IREB2: variants seen among roughly 807,000 people sequenced by gnomAD.
The protein encoded by IREB2 is iron-responsive element-binding protein 2.
Under a neutral mutation model 118.8 loss-of-function variants are expected in IREB2, and 39 were observed. The ratio of observed to expected loss-of-function variants is 0.33; its 90% confidence interval spans 0.25 to 0.43. The LOEUF is 0.43. IREB2 is among the 20% of genes least tolerant of loss of function. The pLI is 1.00. For synonymous variants in IREB2, 372 were observed against 392.2 expected, an observed-to-expected ratio of 0.95 and a Z score of 0.61; for missense variants, 900 against 1,147.3, an observed-to-expected ratio of 0.78 and a Z score of 3.11.
intron 2 of IREB2, among the ~76,000 whole-genome samples, chr15:78,457,794 C>T (rs1208652746): frequency 6.6e-6 from 1 of 151,928 alleles, no homozygotes; most frequent in Non-Finnish European, 1.5e-5. Context: ...AAAAATATTC[C>T]TGAGATTGTT....
chr15:78,443,605 TG>T (rs1253829980), intron 2 of IREB2, among the ~76,000 whole-genome samples: 1 of 152,034 alleles, frequency 6.6e-6, no homozygotes, highest in Non-Finnish European at 1.5e-5. Context: ...GAATCTCCTT[TG>T]TTTTTTTATT....
chr15:78,490,799 T>C (rs757666865), intron 18 of IREB2, 38 bp downstream of exon 18: 5 of 1,595,448 alleles, frequency 3.1e-6, no homozygotes, highest in Admixed American at 1.7e-5. Flanking sequence ...TTGTTTTTTC[T>C]TGTTTCTTAC....
rs2050787096 is a variant in IREB2 at position 78,438,346 on chromosome 15, C to T, written c.9C>T (p.Ala3=). The T allele has an allele frequency of 6.3e-7, 1 of 1,597,236 alleles. No individual in the cohort carries two copies. The change falls in exon 1 of 22, where the codon GCC becomes GCT. Residue 3 remains alanine (A), a synonymous_variant. Transcript: ENST00000258886. Reference sequence around the variant, plus strand: ...TAATATGGTCTCCGGCGATGGACGCCCCAAAAGCAGGTCAGTTTCGGGCCT... The same window carrying T: ...TAATATGGTCTCCGGCGATGGACGCTCCAAAAGCAGGTCAGTTTCGGGCCT... MD[A]PKAGYAFEYL... is the part of the protein sequence containing the mutation.
chr15:78,438,417 A>C, intron 1 of IREB2, 61 bp downstream of exon 1: 1 of 1,558,244 alleles, frequency 6.4e-7, no homozygotes, highest in Non-Finnish European at 8.7e-7. Context: ...CTAGGCGCCG[A>C]ATTCCTTGCT....
At chr15:78,467,691 G>GAA (rs989045889) in intron 5 of IREB2, among the ~76,000 whole-genome samples, 2 of 144,424 alleles carry the variant, frequency 1.4e-5, no homozygotes, top group South Asian at 4.3e-4. Context: ...CTCTGTCTCA[G>GAA]AAAAAAAAAA....
intron 2 of IREB2, among the ~76,000 whole-genome samples, chr15:78,455,858 T>A (rs1453110044): frequency 6.6e-6 from 1 of 152,180 alleles, no homozygotes. Context: ...ACAGTTTCTG[T>A]AGGTCAGGAA....
Position 78,465,665 on chromosome 15 carries a change from G to GT in IREB2, c.410+283dup, listed in dbSNP as rs568351963. On this transcript the variant is annotated intron_variant, in intron 4 of 21. Coordinates refer to ENST00000258886, the MANE Select transcript of IREB2 (RefSeq NM_004136.4). ...GTATTCAGTCTTTGTTTCCTTTTTT[G>GT]TTTTTTAACCTACTTGTCTTTCAGA... Among the ~76,000 whole-genome samples the GT allele has an allele frequency of 4.5e-3, 683 of 151,116 alleles. 9 individuals are homozygous for GT. The highest frequency in any genetic ancestry group is 0.015 in the African/African-American group (626 of 41,242).
intron 18 of IREB2, among the ~76,000 whole-genome samples, chr15:78,493,505 T>C (rs975635894): frequency 1.3e-5 from 2 of 152,206 alleles, no homozygotes; most frequent in Non-Finnish European, 2.9e-5. Context: ...ACTGAACACA[T>C]TTATGAACTG....
At chr15:78,450,343 G>A (rs918354250) in intron 2 of IREB2, among the ~76,000 whole-genome samples, 31 of 152,198 alleles carry the variant, frequency 2.0e-4, no homozygotes, top group African/African-American at 7.5e-4. Flanking sequence ...CAGGATAATT[G>A]TATATAATAC....
In IREB2 at chr15:78,439,837, C is replaced by T; in HGVS notation, c.62C>T (p.Ser21Leu). 1.9e-6 allele frequency: 3 copies of T among 1,598,526 alleles called. No individual in the cohort carries two copies. The highest frequency in any genetic ancestry group is 1.1e-5 in the South Asian group (1 of 87,132). ...CTTATTGAAACATTAAATGACAGTT[C>T]ACATAAGAAGTTCTTCGATGTATCT... is the stretch of plus-strand genomic sequence containing the variant. ...EYLIETLNDS[S>L]HKKFFDVSKL... Residue 21 changes from serine (S) to leucine (L), a missense_variant, in exon 2 of 22, where the codon TCA becomes TTA. Transcript: ENST00000258886.
chr15:78,488,596 A>G (rs1399289424), intron 15 of IREB2, 51 bp from the exon 16 acceptor site: 3 of 1,536,374 alleles, frequency 2.0e-6, no homozygotes, highest in African/African-American at 2.8e-5. Flanking sequence ...AGGTATGAAC[A>G]TTTTCAGAGT....
At chr15:78,485,419 AG>A (rs963785043) in intron 12 of IREB2, among the ~76,000 whole-genome samples, 30 of 8,274 alleles carry the variant, frequency 3.6e-3, no homozygotes, top group South Asian at 0.1. Flanking sequence ...AAGAAGAAAG[AG>A]AAAAAATGGT....
At chr15:78,494,977 C>G (rs1328508497) in intron 20 of IREB2, among the ~76,000 whole-genome samples, 1 of 152,122 alleles carries the variant, frequency 6.6e-6, no homozygotes, top group Non-Finnish European at 1.5e-5. Flanking sequence ...CCTTTTTTCC[C>G]CCTAAATAGG....
At chr15:78,451,018 G>T (rs189207188) in intron 2 of IREB2, among the ~76,000 whole-genome samples, 13 of 152,190 alleles carry the variant, frequency 8.5e-5, no homozygotes, top group Middle Eastern at 3.4e-3. Flanking sequence ...AGGCTGGAGT[G>T]CAGTGGCTCA....
intron 2 of IREB2, among the ~76,000 whole-genome samples, chr15:78,447,868 C>T (rs1015422758): frequency 6.6e-6 from 1 of 152,172 alleles, no homozygotes; most frequent in African/African-American, 2.4e-5. Context: ...TTGGACATGA[C>T]ATTTGTGCTT....
chr15:78,494,237 C>T lies in IREB2; in HGVS notation c.2568C>T (p.Asp856=). ...AATATGGTTCAGGAAACTCCAGAGA[C>T]TGGGCTGCCAAAGGACCGTATTTAC... ...GKKYGSGNSR[D]WAAKGPYLLG... Residue 856 remains aspartate (D), a synonymous_variant, in exon 20 of 22, where the codon GAC becomes GAT. Transcript: ENST00000258886. 2 of 1,613,900 alleles carry T rather than the reference C, an allele frequency of 1.2e-6. No individual in the cohort carries two copies. Among genetic ancestry groups the T allele is most frequent in the Non-Finnish European group, 1.7e-6 (2 of 1,179,926 alleles).
intron 2 of IREB2, among the ~76,000 whole-genome samples, chr15:78,452,729 A>G (rs2141460174): frequency 6.6e-6 from 1 of 152,268 alleles, no homozygotes; most frequent in East Asian, 1.9e-4. Flanking sequence ...CAACATAGTG[A>G]GACCCCCATT....
In IREB2 at chr15:78,460,381, C is replaced by T. The variant is rs1041946758; in HGVS notation, c.107-2541C>T. Among the ~76,000 whole-genome samples the T allele has an allele frequency of 2.6e-5, 4 of 152,008 alleles. No individual in the cohort carries two copies. The East Asian group carries it at 7.7e-4, about 29-fold the overall frequency. On this transcript the variant is annotated intron_variant, in intron 2 of 21. Coordinates refer to ENST00000258886, the MANE Select transcript of IREB2 (RefSeq NM_004136.4). ...AGTTTTCAGAGTAATGAGTTGATGC[C>T]CTAGCAACTCTCATTGGTGATCAAT...
At chr15:78,473,791 C>G (rs911274525) in intron 8 of IREB2, 3 of 153,554 alleles carry the variant, frequency 2.0e-5, no homozygotes, top group African/African-American at 7.2e-5. Flanking sequence ...TTATTAGTGC[C>G]TTGTTGCCTT....
Sources: gnomAD v4.1 joint callset for allele counts (sites outside exome capture counted in the v4.1 genomes callset) on GRCh38, gnomAD v4.1.1 for gene constraint, MANE v1.5 for transcripts, NCBI Gene and HGNC (gene_info 2026-07-23, HGNC 2026-07-21) for gene names.